DOK6: variants seen among roughly 807,000 people sequenced by gnomAD.
DOK6 encodes downstream of tyrosine kinase 6.
DOK6 carries 22 observed loss-of-function variants against 44.0 expected under a neutral mutation model. The observed-to-expected ratio is 0.50, with a 90% CI of 0.36 to 0.71. DOK6 has a LOEUF of 0.71. Among genes scored for constraint, DOK6 ranks in the 30% least tolerant of loss-of-function variants. The pLI is 0.00. For missense variants in DOK6, 340 were observed against 416.4 expected, an observed-to-expected ratio of 0.82 and a Z score of 1.60; for synonymous variants, 166 against 145.5, an observed-to-expected ratio of 1.14 and a Z score of -1.01.
intron 4 of DOK6, among the ~76,000 whole-genome samples, chr18:69,684,198 C>T (rs1986101225): frequency 6.6e-6 from 1 of 152,120 alleles, no homozygotes; most frequent in South Asian, 2.1e-4. Context: ...TTATAACCAC[C>T]ACTTTTCTCA....
chr18:69,760,505 T>TA (rs1979514993), intron 7 of DOK6, among the ~76,000 whole-genome samples: 1 of 151,620 alleles, frequency 6.6e-6, no homozygotes, highest in Admixed American at 6.6e-5. Context: ...AGCAGGCGCC[T>TA]TGAGAAACCA....
chr18:69,571,706 A>C (rs1983118380), intron 2 of DOK6, among the ~76,000 whole-genome samples: 1 of 152,108 alleles, frequency 6.6e-6, no homozygotes, highest in South Asian at 2.1e-4. Flanking sequence ...TATGGAACTA[A>C]TTACAGAACT....
At chr18:69,575,421 T>C (rs1214977094) in intron 2 of DOK6, among the ~76,000 whole-genome samples, 2 of 152,086 alleles carry the variant, frequency 1.3e-5, no homozygotes, top group Non-Finnish European at 2.9e-5. Context: ...TCAAAGCCCA[T>C]GTGCAAAAGC....
intron 7 of DOK6, among the ~76,000 whole-genome samples, chr18:69,758,534 G>C (rs7234361): frequency 0.13 from 19,080 of 151,952 alleles, 1,282 homozygotes; most frequent in African/African-American, 0.18. Flanking sequence ...TTGTCTTCCT[G>C]TTCCTTCCCT....
At chr18:69,643,812 TAAGA>T (rs1482132925) in intron 3 of DOK6, 1 of 152,226 alleles carries the variant, frequency 6.6e-6, no homozygotes, top group African/African-American at 2.4e-5. Flanking sequence ...TTTAGTTTTA[TAAGA>T]AAGTGTCGAA....
intron 7 of DOK6, among the ~76,000 whole-genome samples, chr18:69,836,211 T>G (rs1470549818): frequency 1.3e-5 from 2 of 152,238 alleles, no homozygotes; most frequent in Non-Finnish European, 2.9e-5. Context: ...TGGTTTGGAT[T>G]TTTTATGATA....
intron 3 of DOK6, among the ~76,000 whole-genome samples, chr18:69,629,624 C>T (rs1984643293): frequency 6.6e-6 from 1 of 152,168 alleles, no homozygotes; most frequent in Admixed American, 6.5e-5. Flanking sequence ...AATGTTATAT[C>T]TCCAATCACA....
intron 7 of DOK6, among the ~76,000 whole-genome samples, chr18:69,830,224 G>A (rs950469767): frequency 6.6e-6 from 1 of 152,034 alleles, no homozygotes; most frequent in Admixed American, 6.5e-5. Context: ...AAGAAAAGAT[G>A]TTATGAATTA....
intron 6 of DOK6, among the ~76,000 whole-genome samples, chr18:69,744,973 A>G (rs1978938943): frequency 6.6e-6 from 1 of 150,696 alleles, no homozygotes; most frequent in African/African-American, 2.4e-5. Flanking sequence ...ATGCCCAAGG[A>G]GAAACATGTA....
intron 4 of DOK6, among the ~76,000 whole-genome samples, chr18:69,690,496 G>T (rs1226500424): frequency 6.6e-6 from 1 of 152,146 alleles, no homozygotes; most frequent in Admixed American, 6.5e-5. Context: ...AGCTTCTAAA[G>T]CTGCTAGAAT....
intron 4 of DOK6, among the ~76,000 whole-genome samples, chr18:69,694,692 A>T (rs1238594333): frequency 3.3e-5 from 5 of 152,232 alleles, no homozygotes; most frequent in African/African-American, 1.2e-4. Flanking sequence ...CTTTTCAAAA[A>T]TTTGTTTTTC....
intron 3 of DOK6, chr18:69,660,447 T>C (rs962814388): frequency 2.6e-5 from 4 of 152,210 alleles, no homozygotes; most frequent in Non-Finnish European, 5.9e-5. Context: ...TATCGTGGTA[T>C]GCGCTAGTGC....
chr18:69,760,125 A>G (rs539009385), intron 7 of DOK6, among the ~76,000 whole-genome samples: 1 of 152,308 alleles, frequency 6.6e-6, no homozygotes, highest in South Asian at 2.1e-4. Context: ...TACTTTGATA[A>G]TGGTCACGTA....
intron 7 of DOK6, among the ~76,000 whole-genome samples, chr18:69,802,906 T>C (rs1790585): frequency 0.012 from 1,803 of 152,234 alleles, 32 homozygotes; most frequent in African/African-American, 0.041. Context: ...ACACAGAAGA[T>C]AAATTACAAT....
intron 1 of DOK6, among the ~76,000 whole-genome samples, chr18:69,503,536 A>G (rs972362795): frequency 6.6e-6 from 1 of 152,126 alleles, no homozygotes; most frequent in South Asian, 2.1e-4. Context: ...ATTTTCCTTC[A>G]TTGTAAGATT....
At chr18:69,688,648 G>T (rs548217156) in intron 4 of DOK6, among the ~76,000 whole-genome samples, 8 of 152,026 alleles carry the variant, frequency 5.3e-5, no homozygotes, top group African/African-American at 1.7e-4. Context: ...TCAGTCTCCC[G>T]AGCAGCTGGG....
In DOK6 at chr18:69,471,206, C is replaced by T. The variant is rs143824460; in HGVS notation, c.66+69896C>T. Among the ~76,000 whole-genome samples the T allele has an allele frequency of 3.8e-3, 521 of 138,570 alleles. 1 individual carries two copies. The highest frequency in any genetic ancestry group is 0.014 in the African/African-American group (501 of 36,278). 90.9% of individuals were successfully genotyped at this position (138,570 alleles called of 152,430 possible). A position where few individuals can be genotyped will look rare whatever the true frequency, so the allele number is the denominator to read the frequency against. On this transcript the variant is annotated intron_variant, in intron 1 of 7. Coordinates refer to ENST00000382713, the MANE Select transcript of DOK6 (RefSeq NM_152721.6). Reference sequence around the variant, plus strand: ...CAGAGGTTGCGGTGAGCTGAGATCGCGCCATTGCACTCTAGCCTGGGCAAC... The same window carrying T: ...CAGAGGTTGCGGTGAGCTGAGATCGTGCCATTGCACTCTAGCCTGGGCAAC...
chr18:69,777,751 C>CAAAAAAAAAA (rs34769679), intron 7 of DOK6: 1 of 107,232 alleles, frequency 9.3e-6, no homozygotes. Flanking sequence ...CCTTCACTGA[C>CAAAAAAAAAA]AAAAAAAAAA....
intron 5 of DOK6, among the ~76,000 whole-genome samples, chr18:69,734,472 T>C (rs1045517969): frequency 1.4e-5 from 2 of 143,966 alleles, no homozygotes; most frequent in African/African-American, 5.1e-5. Flanking sequence ...ACAGAATAAG[T>C]GTTAATTGGT....
Sources: allele counts gnomAD v4.1 joint callset (sites outside exome capture counted in the v4.1 genomes callset), GRCh38; gene constraint gnomAD v4.1.1; transcripts MANE v1.5; gene names NCBI Gene and HGNC (gene_info 2026-07-23, HGNC 2026-07-21).